Variants in NELL2 observed in about 807,000 individuals in gnomAD.
NELL2 encodes the protein protein kinase C-binding protein NELL2.
Under a neutral mutation model 109.6 loss-of-function variants are expected in NELL2, and 41 were observed. That is an observed-to-expected ratio of 0.37 (90% CI 0.29 to 0.49). NELL2 has a LOEUF of 0.49. NELL2 is among the 20% of genes least tolerant of loss of function. The pLI is 0.98. For missense variants in NELL2, 900 were observed against 1,008.3 expected (o/e 0.89, Z 1.45); for synonymous variants, 355 against 344.7 (o/e 1.03, Z -0.33).
At chr12:44,723,880 C>G (rs973851583) in intron 9 of NELL2, among the ~76,000 whole-genome samples, 1 of 152,048 alleles carries the variant, frequency 6.6e-6, no homozygotes, top group Admixed American at 6.6e-5. Flanking sequence ...ACCCAGCAAT[C>G]CCACTACTGG....
rs1271739971 is a variant in NELL2, at chr12:44,522,034, G to T, written c.2141C>A (p.Thr714Asn). 6.2e-7 allele frequency: 1 copy of T among 1,613,874 alleles called. No homozygotes were observed. ...NGETLYNSGD[T>N]WVQNCQQCRC... ...GCACTGTTGACAATTCTGGACCCAG[G>T]TGTCACCACTGTTATACAAAGTTTC... is the stretch of plus-strand genomic sequence containing the variant. Residue 714 changes from threonine to asparagine, a missense_variant, in exon 18 of 20, where the codon ACC becomes AAC. By Grantham distance (65) the Thr-to-Asn change is moderately conservative. Coordinates refer to ENST00000429094, the MANE Select transcript of NELL2 (RefSeq NM_001145108.2).
intron 13 of NELL2, among the ~76,000 whole-genome samples, chr12:44,645,268 A>T (rs2136307630): frequency 6.6e-6 from 1 of 152,280 alleles, no homozygotes; most frequent in East Asian, 1.9e-4. Flanking sequence ...AACATGGGCC[A>T]ATTTTTTACT....
rs186736145 is a variant in NELL2, at chr12:44,769,094, G to C, written c.994+5653C>G. 3.3e-5 allele frequency among the ~76,000 whole-genome samples: 5 copies of C among 152,216 alleles called. No homozygotes were observed. The East Asian group carries it at 9.6e-4, about 29-fold the overall frequency. The stretch of plus-strand genomic sequence containing the variant: ...AGAAATCTCTGATTCCATTTTATCA[G>C]ATTATCATCCAATTTTTAAAATCAC... On this transcript the variant is annotated intron_variant, in intron 9 of 19. Coordinates refer to ENST00000429094, the MANE Select transcript of NELL2 (RefSeq NM_001145108.2).
intron 2 of NELL2, among the ~76,000 whole-genome samples, chr12:44,820,399 G>A (rs1207202047): frequency 2.0e-5 from 3 of 152,130 alleles, no homozygotes; most frequent in South Asian, 2.1e-4. Context: ...ACGAGGTCAG[G>A]AGATTGAGAC....
chr12:44,768,457 A>G (rs1488487492), intron 9 of NELL2, among the ~76,000 whole-genome samples: 1 of 152,188 alleles, frequency 6.6e-6, no homozygotes, highest in Non-Finnish European at 1.5e-5. Flanking sequence ...ATCTTAAAGT[A>G]ATATACAAGT....
intron 1 of NELL2, among the ~76,000 whole-genome samples, chr12:44,885,360 A>G (rs1286707979): frequency 6.6e-6 from 1 of 151,992 alleles, no homozygotes; most frequent in African/African-American, 2.4e-5. Flanking sequence ...TTTTCCCTAA[A>G]TGATATGGTC....
intron 11 of NELL2, among the ~76,000 whole-genome samples, chr12:44,709,054 A>C (rs892394268): frequency 6.6e-6 from 1 of 152,088 alleles, no homozygotes; most frequent in African/African-American, 2.4e-5. Flanking sequence ...TTTTTACCCA[A>C]ATCTTATCCT....
intron 15 of NELL2, among the ~76,000 whole-genome samples, chr12:44,601,249 T>C (rs1196215080): frequency 6.6e-6 from 1 of 152,138 alleles, no homozygotes; most frequent in African/African-American, 2.4e-5. Flanking sequence ...TTCCCCATCA[T>C]AGTTGTTATC....
chr12:44,532,658 G>A lies in NELL2; in HGVS notation c.1727C>T (p.Pro576Leu). The A allele has an allele frequency of 5.0e-6, 8 of 1,613,622 alleles. No individual in the cohort carries two copies. The highest frequency in any genetic ancestry group is 5.9e-6 in the Non-Finnish European group (7 of 1,179,674). The change falls in exon 16 of 20, where the codon CCT becomes CTT. Residue 576 changes from proline to leucine, a missense_variant. Transcript: ENST00000429094. ...TCTGCACTCACAGTGGTACCATCCAGGCAGGTTAATGCAATTAGCACGACT... is the reference window on the plus strand; with the variant it reads ...TCTGCACTCACAGTGGTACCATCCAAGCAGGTTAATGCAATTAGCACGACT... ...CDSRANCINL[P>L]GWYHCECRDG...
At position 44,556,654 on chromosome 12, in the gene NELL2, C is replaced by G. The variant is rs553519480; in HGVS notation, c.1664-23933G>C. On this transcript the variant is annotated intron_variant, in intron 15 of 19. Transcript: ENST00000429094. ...TAAAGGTACTAACCCAGCTAAGATC[C>G]AGCTCTCCAGCAGCTAGTTCAGGGG... is the stretch of plus-strand genomic sequence containing the variant. Among the ~76,000 whole-genome samples, 3 of 152,300 alleles carry G rather than the reference C, an allele frequency of 2.0e-5. No homozygotes were observed. In the South Asian group the frequency reaches 6.2e-4, roughly 32 times the overall value.
intron 15 of NELL2, among the ~76,000 whole-genome samples, chr12:44,560,833 G>A (rs1336611247): frequency 1.3e-5 from 2 of 152,140 alleles, no homozygotes; most frequent in Admixed American, 6.6e-5. Context: ...CATTTAATGA[G>A]GCCAGCATCA....
chr12:44,800,743 T>C (rs1339171146), intron 3 of NELL2, among the ~76,000 whole-genome samples: 1 of 152,118 alleles, frequency 6.6e-6, no homozygotes, highest in African/African-American at 2.4e-5. Flanking sequence ...GCCTGGCCTG[T>C]GTAGGAATTT....
intron 3 of NELL2, among the ~76,000 whole-genome samples, chr12:44,791,126 T>C (rs1200671325): frequency 1.0e-4 from 7 of 67,872 alleles, no homozygotes; most frequent in African/African-American, 3.3e-4. Flanking sequence ...TATATGTATA[T>C]ATATATATAC....
intron 2 of NELL2, among the ~76,000 whole-genome samples, chr12:44,863,509 T>C (rs1331852564): frequency 1.1e-5 from 1 of 90,286 alleles, no homozygotes; most frequent in Non-Finnish European, 2.3e-5. Flanking sequence ...ATATTAAAAT[T>C]GTAGAAGTAA....
At chr12:44,641,689 C>CTTTTTTTTTTTTT (rs71093817) in intron 13 of NELL2, among the ~76,000 whole-genome samples, 8 of 80,642 alleles carry the variant, frequency 9.9e-5, no homozygotes, top group Admixed American at 1.6e-4. Flanking sequence ...CTAGTTTCTC[C>CTTTTTTTTTTTTT]TTTTTTTTTT....
intron 13 of NELL2, among the ~76,000 whole-genome samples, chr12:44,626,474 G>A (rs1368228521): frequency 6.6e-6 from 1 of 152,082 alleles, no homozygotes; most frequent in Non-Finnish European, 1.5e-5. Context: ...CTTTTACCTG[G>A]ATTTATTTCT....
At chr12:44,829,759 C>T (rs892277496) in intron 2 of NELL2, among the ~76,000 whole-genome samples, 1 of 152,024 alleles carries the variant, frequency 6.6e-6, no homozygotes, top group African/African-American at 2.4e-5. Context: ...GGTAATTTTT[C>T]TCATTTTAAA....
At chr12:44,692,228 G>T (rs1206008905) in intron 12 of NELL2, among the ~76,000 whole-genome samples, 3 of 152,094 alleles carry the variant, frequency 2.0e-5, no homozygotes. Context: ...GGGCCCTTAA[G>T]AATTATGCTA....
rs11182685 is a variant in NELL2 at position 44,797,579 on chromosome 12, A to G, written c.336-17557T>C. 1.5e-3 allele frequency among the ~76,000 whole-genome samples: 234 copies of G among 152,102 alleles called. 6 individuals carry two copies. In the East Asian group the frequency reaches 0.035, roughly 23 times the overall value. On this transcript the variant is annotated intron_variant, in intron 3 of 19. Coordinates refer to ENST00000429094, the MANE Select transcript of NELL2 (RefSeq NM_001145108.2). The stretch of plus-strand genomic sequence containing the variant: ...CTTGGCCAGTTGTGTATATACATAA[A>G]TATATAATTTTTCTGATATAAAATA...
Sources: gnomAD v4.1 joint callset for allele counts (sites outside exome capture counted in the v4.1 genomes callset) on GRCh38, gnomAD v4.1.1 for gene constraint, MANE v1.5 for transcripts, NCBI Gene and HGNC (gene_info 2026-07-23, HGNC 2026-07-21) for gene names.